The following DGKB variants were observed in gnomAD, a reference collection of about 807,000 sequenced individuals.
The protein encoded by DGKB is diacylglycerol kinase beta.
Under a neutral mutation model 114.3 loss-of-function variants are expected in DGKB, and 67 were observed. The observed-to-expected ratio is 0.59, with a 90% CI of 0.48 to 0.72. The LOEUF (loss-of-function observed/expected upper bound fraction) is 0.72. Among genes scored for constraint, DGKB ranks in the 30% least tolerant of loss-of-function variants. DGKB has a pLI of 0.00. For missense variants in DGKB, 907 were observed against 975.2 expected (o/e 0.93, Z 0.93); for synonymous variants, 398 against 323.1 (o/e 1.23, Z -2.49).
intron 2 of DGKB, among the ~76,000 whole-genome samples, chr7:14,771,379 A>G (rs1234847450): frequency 2.0e-5 from 3 of 152,040 alleles, no homozygotes; most frequent in East Asian, 3.9e-4. Flanking sequence ...GCATCTCGTT[A>G]TTGGGCGGCA....
At chr7:14,753,631 A>T (rs909175462) in intron 4 of DGKB, among the ~76,000 whole-genome samples, 2 of 152,202 alleles carry the variant, frequency 1.3e-5, no homozygotes, top group Non-Finnish European at 2.9e-5. Flanking sequence ...ACAGCCTTAT[A>T]TATCTTCATG....
chr7:14,807,119 C>T (rs1189172435), intron 2 of DGKB, among the ~76,000 whole-genome samples: 2 of 151,906 alleles, frequency 1.3e-5, no homozygotes, highest in African/African-American at 4.8e-5. Context: ...GAAGCTGTAA[C>T]AGTTCTGGTA....
intron 6 of DGKB, among the ~76,000 whole-genome samples, chr7:14,703,677 G>A (rs968887351): frequency 6.6e-6 from 1 of 152,086 alleles, no homozygotes; most frequent in Non-Finnish European, 1.5e-5. Flanking sequence ...CAGGGTTCTG[G>A]ATGAGTCAGG....
rs531512701 is a variant in DGKB, at chr7:14,259,206, C to T, written c.2122+79309G>A. On this transcript the variant is annotated intron_variant, in intron 23 of 25. Coordinates refer to ENST00000402815, the MANE Select transcript of DGKB (RefSeq NM_001350709.2). ...GCAAAAGGTGAATACAACACAAAGACGATAGTGCAATTATGTGTAGAAATT... is the reference window on the plus strand; with the variant it reads ...GCAAAAGGTGAATACAACACAAAGATGATAGTGCAATTATGTGTAGAAATT... Among the ~76,000 whole-genome samples, 12 of 152,002 alleles carry T rather than the reference C, an allele frequency of 7.9e-5. No individual in the cohort carries two copies. In the East Asian group the frequency reaches 1.4e-3, roughly 17 times the overall value.
At chr7:14,795,593 G>T (rs1264948475) in intron 2 of DGKB, among the ~76,000 whole-genome samples, 2 of 152,108 alleles carry the variant, frequency 1.3e-5, no homozygotes, top group Non-Finnish European at 2.9e-5. Context: ...CTCAGAGTGG[G>T]AACTGTAGTC....
intron 23 of DGKB, among the ~76,000 whole-genome samples, chr7:14,236,975 G>A (rs1406794666): frequency 6.6e-6 from 1 of 151,662 alleles, no homozygotes; most frequent in African/African-American, 2.4e-5. Flanking sequence ...ATGTGGTAGT[G>A]GATCAATAAA....
At chr7:14,764,370 T>C (rs972195705) in intron 2 of DGKB, among the ~76,000 whole-genome samples, 1 of 152,030 alleles carries the variant, frequency 6.6e-6, no homozygotes, top group African/African-American at 2.4e-5. Context: ...TTCAGTCCAA[T>C]GTTACATTTC....
At chr7:14,906,947 A>G (rs1000958491), upstream of DGKB, among the ~76,000 whole-genome samples, 9 of 152,360 alleles carry the variant, frequency 5.9e-5, no homozygotes, top group African/African-American at 2.2e-4. Context: ...TTCTCACTTT[A>G]AATTTTTTAT....
intron 20 of DGKB, among the ~76,000 whole-genome samples, 200 bp downstream of exon 20, chr7:14,574,012 A>G (rs1446222202): frequency 1.3e-5 from 2 of 152,148 alleles, no homozygotes; most frequent in African/African-American, 2.4e-5. Context: ...TCAATTGCTG[A>G]TACTCTGACT....
intron 23 of DGKB, among the ~76,000 whole-genome samples, chr7:14,228,692 C>T (rs529942369): frequency 6.6e-6 from 1 of 151,984 alleles, no homozygotes; most frequent in Non-Finnish European, 1.5e-5. Flanking sequence ...AATTTTGTAG[C>T]GATCAGTAAA....
At chr7:14,901,197 G>T (rs1219776161) in intron 1 of DGKB, among the ~76,000 whole-genome samples, 1 of 152,170 alleles carries the variant, frequency 6.6e-6, no homozygotes, top group Non-Finnish European at 1.5e-5. Context: ...AGATCCCCGT[G>T]ATGAGTAGAA....
chr7:14,394,592 C>A (rs1318975173), intron 21 of DGKB, among the ~76,000 whole-genome samples: 1 of 152,070 alleles, frequency 6.6e-6, no homozygotes, highest in Admixed American at 6.6e-5. Flanking sequence ...TTCAACCCAT[C>A]GAACATGAAT....
intron 23 of DGKB, among the ~76,000 whole-genome samples, chr7:14,299,712 A>T: frequency 6.6e-6 from 1 of 152,134 alleles, no homozygotes. Flanking sequence ...TTTGGAAGAA[A>T]GGGAAAGAAG....
At chr7:14,454,347 A>C (rs1831964842) in intron 21 of DGKB, among the ~76,000 whole-genome samples, 1 of 152,102 alleles carries the variant, frequency 6.6e-6, no homozygotes, top group African/African-American at 2.4e-5. Context: ...GTATGTCTCT[A>C]GCAGACCTAT....
In DGKB at chr7:14,472,586, C is replaced by T. The variant is rs1213914695; in HGVS notation, c.1835+5575G>A. On this transcript the variant is annotated intron_variant, in intron 21 of 25. Coordinates refer to ENST00000402815, the MANE Select transcript of DGKB (RefSeq NM_001350709.2). ...GAAAAGATACCCAAAAATGTGAGAG[C>T]AACTTTGGAACTGGGTAACAGGCAG... Among the ~76,000 whole-genome samples the T allele has an allele frequency of 2.6e-5, 4 of 152,238 alleles. No homozygotes were observed. In the East Asian group the frequency reaches 5.8e-4, roughly 22 times the overall value.
chr7:14,280,264 T>C (rs1799736637), intron 23 of DGKB, among the ~76,000 whole-genome samples: 2 of 151,728 alleles, frequency 1.3e-5, no homozygotes, highest in African/African-American at 4.8e-5. Context: ...GTATCAGCAA[T>C]GGAAGATGAA....
At chr7:14,811,530 A>T (rs888350625) in intron 2 of DGKB, among the ~76,000 whole-genome samples, 1 of 152,232 alleles carries the variant, frequency 6.6e-6, no homozygotes, top group Admixed American at 6.5e-5. Flanking sequence ...ACGTGAAATT[A>T]TTCAAGTTAT....
At chr7:14,591,874 T>C (rs1801759373) in intron 17 of DGKB, among the ~76,000 whole-genome samples, 1 of 152,042 alleles carries the variant, frequency 6.6e-6, no homozygotes, top group Admixed American at 6.6e-5. Context: ...TAATTGTTAT[T>C]AGGTACAAAG....
intron 23 of DGKB, among the ~76,000 whole-genome samples, chr7:14,276,031 C>T (rs899892413): frequency 1.3e-5 from 2 of 152,078 alleles, no homozygotes; most frequent in African/African-American, 4.8e-5. Flanking sequence ...TAGACCTATT[C>T]GTATACAGGG....
Sources: gnomAD v4.1 joint callset for allele counts (sites outside exome capture counted in the v4.1 genomes callset) on GRCh38, gnomAD v4.1.1 for gene constraint, MANE v1.5 for transcripts, NCBI Gene and HGNC (gene_info 2026-07-23, HGNC 2026-07-21) for gene names.